Variants in GALNTL6 observed in about 807,000 individuals in gnomAD.
GALNTL6 encodes polypeptide N-acetylgalactosaminyltransferase-like 6.
GALNTL6 carries 46 observed loss-of-function variants against 73.7 expected under a neutral mutation model. The observed-to-expected ratio is 0.62, with a 90% confidence interval of 0.49 to 0.80. The LOEUF (loss-of-function observed/expected upper bound fraction) is 0.80. Ranked by LOEUF, GALNTL6 falls within the 30% of genes least tolerant of loss-of-function variation. The pLI, the probability that GALNTL6 is intolerant of heterozygous loss-of-function variation, is 0.00. For synonymous variants in GALNTL6, 259 were observed against 263.7 expected (o/e 0.98, Z 0.17); for missense variants, 604 against 755.0 (o/e 0.80, Z 2.34).
intron 5 of GALNTL6, among the ~76,000 whole-genome samples, chr4:172,524,510 A>G (rs903193277): frequency 6.6e-6 from 1 of 152,150 alleles, no homozygotes; most frequent in East Asian, 1.9e-4. Context: ...ATAGCATTCC[A>G]TTGCATGAAT....
chr4:172,557,134 A>G (rs1459544876), intron 5 of GALNTL6, among the ~76,000 whole-genome samples: 1 of 152,124 alleles, frequency 6.6e-6, no homozygotes, highest in Non-Finnish European at 1.5e-5. Context: ...AGCATAATCA[A>G]TGGGAGCCTA....
chr4:172,858,538 T>C (rs1463066403), intron 7 of GALNTL6, among the ~76,000 whole-genome samples: 1 of 152,136 alleles, frequency 6.6e-6, no homozygotes, highest in East Asian at 1.9e-4. Flanking sequence ...AAAGAAAAAC[T>C]TTGGCTGCTG....
intron 11 of GALNTL6, among the ~76,000 whole-genome samples, chr4:173,010,990 C>T (rs183496544): frequency 2.1e-3 from 314 of 152,236 alleles, no homozygotes; most frequent in Middle Eastern, 0.014. Flanking sequence ...TAAAAGTTTT[C>T]CCATTTCTCC....
At chr4:172,579,260 A>G (rs939143160) in intron 5 of GALNTL6, among the ~76,000 whole-genome samples, 4 of 152,334 alleles carry the variant, frequency 2.6e-5, no homozygotes, top group African/African-American at 7.2e-5. Flanking sequence ...TTTACATGAT[A>G]TAGCTTTGGT....
intron 2 of GALNTL6, among the ~76,000 whole-genome samples, chr4:172,121,707 T>C (rs879305311): frequency 6.6e-6 from 1 of 152,170 alleles, no homozygotes; most frequent in Non-Finnish European, 1.5e-5. Context: ...CCTGGGTCCA[T>C]GGTAAGTTCA....
At chr4:172,132,504 A>G (rs752659475) in intron 2 of GALNTL6, among the ~76,000 whole-genome samples, 2 of 152,102 alleles carry the variant, frequency 1.3e-5, no homozygotes, top group Non-Finnish European at 2.9e-5. Context: ...TTACTTTATT[A>G]ATTTCAGGGA....
intron 5 of GALNTL6, among the ~76,000 whole-genome samples, chr4:172,800,361 A>G (rs943035825): frequency 6.6e-6 from 1 of 152,216 alleles, no homozygotes; most frequent in South Asian, 2.1e-4. Flanking sequence ...ATCAACATTG[A>G]CAATTCAAAT....
Position 172,580,252 on chromosome 4 carries a change from A to G in GALNTL6, c.554-229109A>G, listed in dbSNP as rs374589686. 2.0e-5 allele frequency among the ~76,000 whole-genome samples: 3 copies of G among 152,228 alleles called. No individual in the cohort carries two copies. In the East Asian group the frequency reaches 5.8e-4, roughly 29 times the overall value. ...GCCCCACAAAGACTATAAGCATTAG[A>G]ATGATCAGATTCAGCACATGAAGCA... On this transcript the variant is annotated intron_variant, in intron 5 of 12. Coordinates refer to ENST00000506823, the MANE Select transcript of GALNTL6 (RefSeq NM_001034845.3).
chr4:172,855,214 AAC>A (rs1744064081), intron 7 of GALNTL6, among the ~76,000 whole-genome samples: 1 of 143,806 alleles, frequency 7.0e-6, no homozygotes, highest in Non-Finnish European at 1.5e-5. Context: ...AAAAAAAAGA[AAC>A]ACACAGAGAA....
chr4:172,092,374 A>T (rs1354632), intron 2 of GALNTL6, among the ~76,000 whole-genome samples: 149,954 of 152,196 alleles, frequency 0.99, 73,898 homozygotes, highest in Middle Eastern at 1. Context: ...CAAAGAAGAG[A>T]AAACATCATT....
chr4:172,088,862 A>G (rs6829575), intron 2 of GALNTL6, among the ~76,000 whole-genome samples: 7,588 of 152,180 alleles, frequency 0.05, 582 homozygotes, highest in African/African-American at 0.17. Flanking sequence ...TATTTCTTTA[A>G]CCAAATTTCT....
At chr4:172,586,737 A>G (rs896279965) in intron 5 of GALNTL6, among the ~76,000 whole-genome samples, 3 of 152,354 alleles carry the variant, frequency 2.0e-5, no homozygotes, top group African/African-American at 7.2e-5. Context: ...AAGAGCATTT[A>G]TAGTATTTGC....
chr4:172,233,818 A>G (rs190275398), intron 3 of GALNTL6, among the ~76,000 whole-genome samples: 1 of 152,192 alleles, frequency 6.6e-6, no homozygotes, highest in Non-Finnish European at 1.5e-5. Context: ...GCACAAAAAA[A>G]TGGGAATTTT....
At chr4:172,087,444 C>CAAA (rs70941381) in intron 2 of GALNTL6, among the ~76,000 whole-genome samples, 23 of 100,520 alleles carry the variant, frequency 2.3e-4, no homozygotes, top group Admixed American at 8.6e-4. Flanking sequence ...GACTCCATCC[C>CAAA]AAAAAAAAAA....
chr4:172,174,064 A>T (rs1163104340), intron 2 of GALNTL6, among the ~76,000 whole-genome samples: 3 of 152,214 alleles, frequency 2.0e-5, no homozygotes, highest in East Asian at 3.8e-4. Flanking sequence ...TAAAAAGATC[A>T]TTCTAGCTGA....
intron 2 of GALNTL6, among the ~76,000 whole-genome samples, chr4:172,111,584 G>A (rs1732852198): frequency 6.6e-6 from 1 of 151,912 alleles, no homozygotes; most frequent in Admixed American, 6.6e-5. Flanking sequence ...TAAAATTTGA[G>A]ATTTTAGATT....
At chr4:172,173,372 C>A (rs896689529) in intron 2 of GALNTL6, among the ~76,000 whole-genome samples, 1 of 152,186 alleles carries the variant, frequency 6.6e-6, no homozygotes, top group South Asian at 2.1e-4. Context: ...CCATCAAGAG[C>A]CTTCCTGTGA....
At chr4:172,995,192 C>T (rs1195326608) in intron 10 of GALNTL6, among the ~76,000 whole-genome samples, 2 of 151,944 alleles carry the variant, frequency 1.3e-5, no homozygotes, top group Non-Finnish European at 2.9e-5. Context: ...TAAAATAGCA[C>T]TCTAGAAAAA....
intron 2 of GALNTL6, among the ~76,000 whole-genome samples, chr4:171,903,700 C>A (rs533593459): frequency 6.6e-6 from 1 of 151,364 alleles, no homozygotes; most frequent in Non-Finnish European, 1.5e-5. Flanking sequence ...AGGGCACAGA[C>A]AAACAAAAAG....
Sources: gnomAD v4.1 joint callset for allele counts (sites outside exome capture counted in the v4.1 genomes callset) on GRCh38, gnomAD v4.1.1 for gene constraint, MANE v1.5 for transcripts, NCBI Gene and HGNC (gene_info 2026-07-23, HGNC 2026-07-21) for gene names.